The following ANK2 variants were observed in gnomAD, a reference collection of about 807,000 sequenced individuals.
ANK2 encodes ankyrin 2.
A neutral mutation model predicts 360.5 loss-of-function variants in ANK2; 83 were observed. That is an observed-to-expected ratio of 0.23 (90% CI 0.19 to 0.28). The LOEUF (loss-of-function observed/expected upper bound fraction) is 0.28, where lower values mean the gene tolerates loss of function less well. Ranked by LOEUF, ANK2 falls within the 10% of genes least tolerant of loss-of-function variation. ANK2 has a pLI of 1.00. For synonymous variants in ANK2, 1,740 were observed against 1,759.5 expected (o/e 0.99, Z 0.28); for missense variants, 4,201 against 4,795.7 (o/e 0.88, Z 3.66).
intron 9 of ANK2, 96 bp downstream of exon 9, chr4:113,242,305 G>A (rs1355645842): frequency 1.9e-6 from 2 of 1,052,040 alleles, no homozygotes; most frequent in Non-Finnish European, 2.9e-6. Flanking sequence ...CATAAGCAAT[G>A]TGTTTTCAAG....
At chr4:112,856,792 T>C (rs2066534207) in intron 1 of ANK2, among the ~76,000 whole-genome samples, 1 of 152,234 alleles carries the variant, frequency 6.6e-6, no homozygotes. Context: ...AAGGAAAGAC[T>C]TTATTCAGGA....
the ANK2 span, among the ~76,000 whole-genome samples, chr4:112,767,116 T>G: frequency 6.6e-6 from 1 of 152,334 alleles, no homozygotes; most frequent in Admixed American, 6.5e-5. Flanking sequence ...TAAGGGATAT[T>G]CCAAACAAAA....
chr4:112,915,766 A>C (rs550930661), intron 2 of ANK2, among the ~76,000 whole-genome samples: 1 of 142,150 alleles, frequency 7.0e-6, no homozygotes, highest in Admixed American at 6.8e-5. Context: ...AAAAAAAAAT[A>C]AATAAATAAA....
At chr4:113,019,382 C>T (rs1300076211) in intron 2 of ANK2, among the ~76,000 whole-genome samples, 3 of 152,234 alleles carry the variant, frequency 2.0e-5, no homozygotes, top group Non-Finnish European at 4.4e-5. Flanking sequence ...AAGATAGTTT[C>T]GGTTAAATGT....
At chr4:112,889,520 G>T (rs1457742852) in intron 1 of ANK2, among the ~76,000 whole-genome samples, 4 of 150,688 alleles carry the variant, frequency 2.7e-5, no homozygotes, top group Non-Finnish European at 5.9e-5. Context: ...CACTTTTTTT[G>T]ATGCTTTTTT....
intron 2 of ANK2, among the ~76,000 whole-genome samples, chr4:113,022,106 A>C (rs2058308808): frequency 6.6e-6 from 1 of 152,200 alleles, no homozygotes; most frequent in African/African-American, 2.4e-5. Context: ...ACAGAGAGAG[A>C]GACAGACCCT....
chr4:113,101,317 A>G (rs967793700), intron 1 of ANK2, among the ~76,000 whole-genome samples: 6 of 152,164 alleles, frequency 3.9e-5, no homozygotes, highest in Non-Finnish European at 7.4e-5. Flanking sequence ...ACTGCCAAAA[A>G]TCAGGCTTTG....
At chr4:112,731,960 G>A in the ANK2 span, among the ~76,000 whole-genome samples, 1 of 152,086 alleles carries the variant, frequency 6.6e-6, no homozygotes, top group Admixed American at 6.6e-5. Flanking sequence ...CTGGCTCAGG[G>A]ATTTTCATAA....
At chr4:112,984,680 A>G (rs527810754) in intron 2 of ANK2, among the ~76,000 whole-genome samples, 2 of 152,340 alleles carry the variant, frequency 1.3e-5, no homozygotes, top group South Asian at 4.1e-4. Context: ...TGTGTAAAGA[A>G]TAAAGAGGAA....
At position 113,370,894 on chromosome 4, in the gene ANK2, G is replaced by A. The variant is rs2096714614; in HGVS notation, c.11610+1089G>A. On this transcript the variant is annotated intron_variant, in intron 43 of 45. Coordinates refer to ENST00000357077, the MANE Select transcript of ANK2 (RefSeq NM_001148.6). Reference sequence around the variant, plus strand: ...TTAGAATGAATCCCAGGGTGGGGAGGGAAAGCAAGAATTTGCCTTTTAAAT... The same window carrying A: ...TTAGAATGAATCCCAGGGTGGGGAGAGAAAGCAAGAATTTGCCTTTTAAAT... Among the ~76,000 whole-genome samples, 3 of 152,090 alleles carry A rather than the reference G, an allele frequency of 2.0e-5. No individual in the cohort carries two copies. In the South Asian group the frequency reaches 6.2e-4, roughly 32 times the overall value.
chr4:112,921,379 G>GTTT (rs61196339), intron 2 of ANK2, among the ~76,000 whole-genome samples: 9 of 127,896 alleles, frequency 7.0e-5, no homozygotes, highest in East Asian at 4.4e-4. Context: ...GTTTCTTTAA[G>GTTT]TTTTTTTTTT....
the ANK2 span, chr4:112,788,943 C>T: frequency 6.6e-6 from 4 of 606,166 alleles, no homozygotes; most frequent in Non-Finnish European, 1.2e-5. Context: ...ATCTCAAATA[C>T]AGCATAAACT....
Position 113,207,704 on chromosome 4 carries a change from AAAG to A in ANK2, c.384+8602_384+8604del, listed in dbSNP as rs1388359014. ...CACAAAGCAAAAAAAAAAAAAAAAA[AAAG>A]AAGAAGTAAAAACATGACACGAATT... On this transcript the variant is annotated intron_variant, in intron 4 of 45. Transcript: ENST00000357077. Among the ~76,000 whole-genome samples, 24 of 150,474 alleles carry A rather than the reference AAAG, an allele frequency of 1.6e-4. No homozygotes were observed. The East Asian group carries it at 3.3e-3, about 21-fold the overall frequency.
At chr4:113,066,142 T>C (rs2075517048) in intron 1 of ANK2, among the ~76,000 whole-genome samples, 1 of 152,218 alleles carries the variant, frequency 6.6e-6, no homozygotes, top group Non-Finnish European at 1.5e-5. Context: ...TGTAGTTTTA[T>C]TTTTTAGTCT....
chr4:112,754,517 T>TGG, the ANK2 span, among the ~76,000 whole-genome samples: 20,274 of 147,720 alleles, frequency 0.14, 2,134 homozygotes, highest in East Asian at 0.47. Context: ...TTTTTTTTTT[T>TGG]GGGGGGGCGT....
intron 2 of ANK2, among the ~76,000 whole-genome samples, chr4:113,186,518 T>C (rs1041439291): frequency 8.0e-5 from 12 of 150,744 alleles, no homozygotes; most frequent in Admixed American, 2.6e-4. Context: ...TTCCCAGTAC[T>C]TTCCCACCCA....
At chr4:112,779,150 G>C in the ANK2 span, among the ~76,000 whole-genome samples, 2 of 152,094 alleles carry the variant, frequency 1.3e-5, no homozygotes, top group Admixed American at 6.6e-5. Context: ...GTGAAGTCCT[G>C]GTATATTTTT....
At chr4:113,180,400 C>G (rs2098377754) in intron 2 of ANK2, among the ~76,000 whole-genome samples, 1 of 152,150 alleles carries the variant, frequency 6.6e-6, no homozygotes, top group Non-Finnish European at 1.5e-5. Context: ...TCAATAAATA[C>G]TTGTGAAAAT....
chr4:113,138,247 A>G (rs946089880), intron 1 of ANK2, among the ~76,000 whole-genome samples: 1 of 152,186 alleles, frequency 6.6e-6, no homozygotes, highest in African/African-American at 2.4e-5. Flanking sequence ...TCCGTCTTTG[A>G]AATAAAATGA....
Sources: gnomAD v4.1 joint callset for allele counts (sites outside exome capture counted in the v4.1 genomes callset) on GRCh38, gnomAD v4.1.1 for gene constraint, MANE v1.5 for transcripts, NCBI Gene and HGNC (gene_info 2026-07-23, HGNC 2026-07-21) for gene names.